Variants in RAPGEF5 observed in about 807,000 individuals in gnomAD.
RAPGEF5 encodes Rap guanine nucleotide exchange factor 5, also known as M-Ras-regulated GEF.
Under a neutral mutation model 125.2 loss-of-function variants are expected in RAPGEF5, and 65 were observed. The observed-to-expected ratio is 0.52, with a 90% CI of 0.43 to 0.64. The LOEUF (loss-of-function observed/expected upper bound fraction) is 0.64, where lower values mean the gene tolerates loss of function less well. RAPGEF5 is among the 30% of genes least tolerant of loss of function. The probability of loss-of-function intolerance (pLI) is 0.00; values close to 1 mark genes in which losing one functional copy is unlikely to be tolerated. For missense variants in RAPGEF5, 958 were observed against 1,048.1 expected (o/e 0.91, Z 1.19); for synonymous variants, 391 against 385.9 (o/e 1.01, Z -0.16).
intron 9 of RAPGEF5, among the ~76,000 whole-genome samples, chr7:22,208,115 C>T (rs924024652): frequency 2.0e-5 from 3 of 152,092 alleles, no homozygotes; most frequent in Admixed American, 6.5e-5. Context: ...CATTAAATGC[C>T]GGTATCTTTG....
intron 6 of RAPGEF5, among the ~76,000 whole-genome samples, chr7:22,267,866 G>GTT (rs554220293): frequency 6.8e-6 from 1 of 146,814 alleles, no homozygotes; most frequent in Non-Finnish European, 1.5e-5. Context: ...GTGATGATGG[G>GTT]TTTTTTTTTT....
chr7:22,138,006 TACACACACAC>T (rs57116603), intron 21 of RAPGEF5, among the ~76,000 whole-genome samples: 1 of 148,446 alleles, frequency 6.7e-6, no homozygotes, highest in Non-Finnish European at 1.5e-5. Context: ...GTTTGGAAAC[TACACACACAC>T]ACACACACAC....
At chr7:22,207,558 A>G (rs1156614694) in intron 9 of RAPGEF5, among the ~76,000 whole-genome samples, 1 of 152,202 alleles carries the variant, frequency 6.6e-6, no homozygotes, top group African/African-American at 2.4e-5. Context: ...AAGGGCATAC[A>G]TTACTTTTAC....
At chr7:22,153,449 A>G (rs1783696242) in intron 17 of RAPGEF5, among the ~76,000 whole-genome samples, 1 of 152,200 alleles carries the variant, frequency 6.6e-6, no homozygotes, top group Admixed American at 6.5e-5. Flanking sequence ...ATATACAATT[A>G]GAGCCCTGGG....
chr7:22,313,662 T>C (rs1302439763), intron 3 of RAPGEF5, among the ~76,000 whole-genome samples: 1 of 152,084 alleles, frequency 6.6e-6, no homozygotes, highest in Non-Finnish European at 1.5e-5. Flanking sequence ...TCCATGGAGA[T>C]CCAATAAAGG....
At chr7:22,171,993 T>C (rs888723657) in intron 11 of RAPGEF5, among the ~76,000 whole-genome samples, 7 of 152,206 alleles carry the variant, frequency 4.6e-5, no homozygotes, top group African/African-American at 9.7e-5. Context: ...GGAAGGTAAA[T>C]ACTTCTATAG....
chr7:22,261,078 C>T (rs1006644939), intron 7 of RAPGEF5, among the ~76,000 whole-genome samples: 1 of 151,994 alleles, frequency 6.6e-6, no homozygotes, highest in African/African-American at 2.4e-5. Flanking sequence ...AAAATTAATT[C>T]CAGAGGACTT....
chr7:22,181,767 T>C (rs1465777108), intron 11 of RAPGEF5, among the ~76,000 whole-genome samples: 1 of 152,050 alleles, frequency 6.6e-6, no homozygotes, highest in Non-Finnish European at 1.5e-5. Context: ...GCAAACTGAA[T>C]GAAAGAAAAG....
chr7:22,130,926 G>A (rs1165262765), intron 24 of RAPGEF5, 111 bp downstream of exon 24: 15 of 1,402,534 alleles, frequency 1.1e-5, no homozygotes, highest in South Asian at 8.5e-5. Context: ...CCTTGAATTC[G>A]CCATGCATCC....
At chr7:22,212,099 G>C (rs1038079376) in intron 9 of RAPGEF5, among the ~76,000 whole-genome samples, 1 of 150,910 alleles carries the variant, frequency 6.6e-6, no homozygotes, top group Non-Finnish European at 1.5e-5. Context: ...TCAGCCTCCC[G>C]AGTAGCTGGG....
intron 19 of RAPGEF5, among the ~76,000 whole-genome samples, chr7:22,146,441 A>G (rs1365365891): frequency 6.6e-6 from 1 of 152,244 alleles, no homozygotes; most frequent in Non-Finnish European, 1.5e-5. Context: ...CAAAATTTTC[A>G]ATAAATTACT....
At chr7:22,144,780 G>A (rs1235618276) in intron 20 of RAPGEF5, among the ~76,000 whole-genome samples, 1 of 152,162 alleles carries the variant, frequency 6.6e-6, no homozygotes, top group Admixed American at 6.5e-5. Flanking sequence ...GCAGGATGAA[G>A]GATGTGTGTA....
chr7:22,321,183 C>T (rs1167582890), intron 1 of RAPGEF5, among the ~76,000 whole-genome samples: 2 of 152,036 alleles, frequency 1.3e-5, no homozygotes, highest in African/African-American at 2.4e-5. Flanking sequence ...TAACTAATTA[C>T]AGGCAAACCA....
intron 25 of RAPGEF5, 61 bp from the exon 26 acceptor site, chr7:22,122,582 C>G: frequency 8.2e-7 from 1 of 1,217,380 alleles, no homozygotes; most frequent in Non-Finnish European, 1.2e-6. Flanking sequence ...TATCTACATA[C>G]CAACAAAACC....
intron 23 of RAPGEF5, among the ~76,000 whole-genome samples, chr7:22,134,553 G>C (rs975108567): frequency 6.6e-6 from 1 of 152,186 alleles, no homozygotes; most frequent in East Asian, 1.9e-4. Context: ...AGAAGGCTCT[G>C]TTCATATCTA....
intron 11 of RAPGEF5, among the ~76,000 whole-genome samples, chr7:22,188,697 T>G (rs1245421652): frequency 7.2e-6 from 1 of 139,602 alleles, no homozygotes; most frequent in Non-Finnish European, 1.5e-5. Context: ...ACTTGGGAGG[T>G]GGAGGTTGCA....
At chr7:22,178,350 T>C (rs1784573830) in intron 11 of RAPGEF5, among the ~76,000 whole-genome samples, 1 of 152,180 alleles carries the variant, frequency 6.6e-6, no homozygotes, top group East Asian at 1.9e-4. Context: ...TTTCCTATAA[T>C]TCAATTCTGA....
intron 1 of RAPGEF5, among the ~76,000 whole-genome samples, chr7:22,325,664 C>T (rs184858332): frequency 5.9e-5 from 9 of 152,302 alleles, no homozygotes; most frequent in African/African-American, 2.2e-4. Flanking sequence ...TTCCCAGACT[C>T]AAGCGATCCT....
intron 9 of RAPGEF5, among the ~76,000 whole-genome samples, chr7:22,195,255 G>A (rs2128126677): frequency 6.6e-6 from 1 of 152,274 alleles, no homozygotes; most frequent in Admixed American, 6.5e-5. Context: ...GGATGTCAAT[G>A]TATTTGATTC....
Sources: gnomAD v4.1 joint callset for allele counts (sites outside exome capture counted in the v4.1 genomes callset) on GRCh38, gnomAD v4.1.1 for gene constraint, MANE v1.5 for transcripts, NCBI Gene and HGNC (gene_info 2026-07-23, HGNC 2026-07-21) for gene names.